Variants in PRKCZ observed in about 807,000 individuals in gnomAD.
PRKCZ encodes the protein protein kinase C zeta, also known as protein kinase C zeta type.
Under a neutral mutation model 79.5 loss-of-function variants are expected in PRKCZ, and 33 were observed. The observed-to-expected ratio is 0.41, with a 90% confidence interval of 0.31 to 0.55. The LOEUF (loss-of-function observed/expected upper bound fraction) is 0.55, where lower values mean the gene tolerates loss of function less well. PRKCZ is among the 20% of genes least tolerant of loss of function. The probability of loss-of-function intolerance (pLI) is 0.19; values close to 1 mark genes in which losing one functional copy is unlikely to be tolerated. For missense variants in PRKCZ, 578 were observed against 813.5 expected (o/e 0.71, Z 3.52); for synonymous variants, 342 against 320.9 (o/e 1.07, Z -0.70).
intron 10 of PRKCZ, among the ~76,000 whole-genome samples, chr1:2,158,604 C>T (rs867905598): frequency 6.6e-6 from 1 of 152,244 alleles, no homozygotes; most frequent in Non-Finnish European, 1.5e-5. Context: ...CCCGGCCCCC[C>T]ACACTTCCTA....
rs908172987 is a variant in PRKCZ at position 2,173,752 on chromosome 1, G to A, written c.1286-145G>A. ...TGGAGGTGCTGGTTCTGTTTGGGAA[G>A]TGGAAGTCACAGAGGCCTGTGTGCC... On this transcript the variant is annotated intron_variant, in intron 13 of 17. Transcript: ENST00000378567. This position sits in a 1 kb window ranked among gnomAD's most constrained non-coding sequence, Gnocchi z 5.7. The A allele has an allele frequency of 4.1e-6, 5 of 1,210,486 alleles. No homozygotes were observed. The South Asian group carries it at 4.8e-5, about 12-fold the overall frequency. 75.0% of individuals were successfully genotyped at this position (1,210,486 alleles called of 1,614,324 possible).
intron 4 of PRKCZ, among the ~76,000 whole-genome samples, chr1:2,086,619 C>T (rs968982535): frequency 2.0e-5 from 3 of 152,206 alleles, no homozygotes; most frequent in Non-Finnish European, 1.5e-5. Context: ...TGGCTTCCTT[C>T]GGAGGAGGGT....
intron 10 of PRKCZ, among the ~76,000 whole-genome samples, chr1:2,163,471 C>G (rs1682713711): frequency 6.6e-6 from 1 of 152,232 alleles, no homozygotes; most frequent in African/African-American, 2.4e-5. Context: ...CCCCCAGCCA[C>G]TGGGAGAAGG....
At chr1:2,058,300 G>A (rs1296628303) in intron 3 of PRKCZ, among the ~76,000 whole-genome samples, 1 of 149,452 alleles carries the variant, frequency 6.7e-6, no homozygotes, top group Non-Finnish European at 1.5e-5. Context: ...ACGGTGCCCG[G>A]CCCCAATTTT....
chr1:2,052,047 C>T lies in PRKCZ; in HGVS notation c.71+1346C>T, dbSNP rs376275962. Among the ~76,000 whole-genome samples, 5 of 152,288 alleles carry T rather than the reference C, an allele frequency of 3.3e-5. 1 individual carries two copies. The South Asian group carries it at 8.3e-4, about 25-fold the overall frequency. ...GCAGGTTAAAACTTGGTATGGTTGA[C>T]GTTCTGGCTATTGGACTTGTCCAGG... On this transcript the variant is annotated intron_variant, in intron 1 of 17. Coordinates refer to ENST00000378567, the MANE Select transcript of PRKCZ (RefSeq NM_002744.6).
Position 2,184,659 on chromosome 1 carries a change from A to G in PRKCZ, c.1652A>G (p.Gln551Arg). ...TACGGTCTGGACAACTTTGACACACAGTTCACCAGCGAGCCCGTGCAGCTG... is the reference window on the plus strand; with the variant it reads ...TACGGTCTGGACAACTTTGACACACGGTTCACCAGCGAGCCCGTGCAGCTG... The part of the protein sequence containing the change: ...DDYGLDNFDT[Q>R]FTSEPVQLTP... The change falls in exon 17 of 18, where the codon CAG becomes CGG. Residue 551 changes from glutamine to arginine, a missense_variant. Gln to Arg is a conservative substitution (Grantham distance 43). Coordinates refer to ENST00000378567, the MANE Select transcript of PRKCZ (RefSeq NM_002744.6). The G allele has an allele frequency of 6.2e-7, 1 of 1,613,982 alleles. No homozygotes were observed.
At chr1:2,147,711 A>C (rs368825679) in intron 7 of PRKCZ, among the ~76,000 whole-genome samples, 1 of 133,032 alleles carries the variant, frequency 7.5e-6, no homozygotes, top group Non-Finnish European at 1.6e-5. Flanking sequence ...CTGTCCACCC[A>C]TCTGTCTGTT....
At chr1:2,133,454 C>G (rs1420498699) in intron 4 of PRKCZ, among the ~76,000 whole-genome samples, 1 of 150,038 alleles carries the variant, frequency 6.7e-6, no homozygotes, top group Non-Finnish European at 1.5e-5. Context: ...GTCCTTCCCT[C>G]AGCTCTACCC....
chr1:2,095,889 TTTCCC>T (rs1266269569), intron 4 of PRKCZ, among the ~76,000 whole-genome samples: 1 of 61,780 alleles, frequency 1.6e-5, no homozygotes, highest in African/African-American at 7.0e-5. Context: ...CCTCCCCTCC[TTTCCC>T]CTCCCCTCCT....
chr1:2,172,635 G>T lies in PRKCZ; in HGVS notation c.1285+247G>T, dbSNP rs1365119306. ...GATTCCTCCTGCCAGGGAGCCCCGG[G>T]GCACAGGGAGGGGAAAGACACAGAA... is the stretch of plus-strand genomic sequence containing the variant. On this transcript the variant is annotated intron_variant, in intron 13 of 17. Transcript: ENST00000378567. The surrounding 1 kb of genome is among the most constrained non-coding windows in gnomAD (Gnocchi z 7.8). Among the ~76,000 whole-genome samples, 1 of 152,230 alleles carries T rather than the reference G, an allele frequency of 6.6e-6. No individual in the cohort carries two copies. The highest frequency in any genetic ancestry group is 1.5e-5 in the Non-Finnish European group (1 of 68,036).
intron 6 of PRKCZ, 29 bp from the exon 7 acceptor site, chr1:2,145,998 A>T: frequency 1.9e-6 from 3 of 1,574,586 alleles, no homozygotes; most frequent in South Asian, 1.1e-5. Context: ...GCACTTGGTC[A>T]TGCTGCCATC....
At position 2,178,345 on chromosome 1, in the gene PRKCZ, ACACAGTAGCACGTGG is replaced by A. The variant is rs562169448; in HGVS notation, c.1575+3036_1575+3050del. On this transcript the variant is annotated intron_variant, in intron 16 of 17. Coordinates refer to ENST00000378567, the MANE Select transcript of PRKCZ (RefSeq NM_002744.6). The surrounding 1 kb of genome is among the most constrained non-coding windows in gnomAD (Gnocchi z 4.3). ...AGCATTGTCTCCACAAGCTGCACCCACACAGTAGCACGTGGCACTGCCTCCTTCCTGCGCTGAACC... is the reference window on the plus strand; with the variant it reads ...AGCATTGTCTCCACAAGCTGCACCCACACTGCCTCCTTCCTGCGCTGAACC... Among the ~76,000 whole-genome samples, 2 of 152,068 alleles carry A rather than the reference ACACAGTAGCACGTGG, an allele frequency of 1.3e-5. No individual in the cohort carries two copies. Among genetic ancestry groups the A allele is most frequent in the Non-Finnish European group, 2.9e-5 (2 of 67,994 alleles).
chr1:2,096,952 G>A (rs549154689), intron 4 of PRKCZ, among the ~76,000 whole-genome samples: 2 of 152,368 alleles, frequency 1.3e-5, no homozygotes, highest in South Asian at 2.1e-4. Flanking sequence ...GTCACTGAGC[G>A]TAGGCCTGGA....
Position 2,144,562 on chromosome 1 carries a change from T to C in PRKCZ, c.552+221T>C, listed in dbSNP as rs752336190. On this transcript the variant is annotated intron_variant, in intron 6 of 17. Coordinates refer to ENST00000378567, the MANE Select transcript of PRKCZ (RefSeq NM_002744.6). Reference sequence around the variant, plus strand: ...CCGGCACACTCTGCTCATTGGGGCATGAGGCTCAGGCAGCAGGCTCAGGTA... The same window carrying C: ...CCGGCACACTCTGCTCATTGGGGCACGAGGCTCAGGCAGCAGGCTCAGGTA... 8 of 1,394,312 alleles carry C rather than the reference T, an allele frequency of 5.7e-6. No homozygotes were observed. In the South Asian group the frequency reaches 1.1e-4, roughly 18 times the overall value. 86.4% of individuals were successfully genotyped at this position (1,394,312 alleles called of 1,614,324 possible). A position where few individuals can be genotyped will look rare whatever the true frequency, so the allele number is the denominator to read the frequency against.
chr1:2,146,093 G>A lies in PRKCZ; in HGVS notation c.619G>A (p.Glu207Lys), dbSNP rs745674432. 5.0e-6 allele frequency: 8 copies of A among 1,613,862 alleles called. No homozygotes were observed. The highest frequency in any genetic ancestry group is 2.2e-5 in the South Asian group (2 of 91,078). The stretch of plus-strand genomic sequence containing the variant: ...GAACGAGGACGCCGACCTTCCTTCC[G>A]AGGAGACAGATGGAAGTAGGCGCTG... ...DKNEDADLPS[E>K]ETDGIAYISS... The change falls in exon 7 of 18, where the codon GAG (glutamate) becomes AAG (lysine). Residue 207 changes from glutamate (E) to lysine (K), a missense_variant. Glu to Lys is a moderately conservative substitution (Grantham distance 56). Around this residue, in one of 4 missense-constraint regions of PRKCZ, gnomAD observed 91 missense variants for 97.5 expected, o/e 0.93. Coordinates refer to ENST00000378567, the MANE Select transcript of PRKCZ (RefSeq NM_002744.6).
intron 6 of PRKCZ, chr1:2,144,909 A>G (rs772351278): frequency 7.7e-5 from 12 of 155,214 alleles, no homozygotes; most frequent in Non-Finnish European, 1.6e-4. Context: ...CCACTGAACC[A>G]CGGGGGTGAG....
At chr1:2,072,464 AG>A (rs1199988178) in intron 4 of PRKCZ, among the ~76,000 whole-genome samples, 44 of 152,044 alleles carry the variant, frequency 2.9e-4, no homozygotes, top group African/African-American at 1.0e-3. Flanking sequence ...GGTTGGAGGC[AG>A]GGGGATGTGT....
intron 5 of PRKCZ, among the ~76,000 whole-genome samples, chr1:2,136,914 T>C (rs983458283): frequency 6.6e-6 from 1 of 152,170 alleles, no homozygotes. Context: ...GTCAGGGTTC[T>C]CCAGAGGGAT....
chr1:2,170,156 G>T (rs1684137736), intron 11 of PRKCZ, among the ~76,000 whole-genome samples: 1 of 152,144 alleles, frequency 6.6e-6, no homozygotes, highest in Non-Finnish European at 1.5e-5. Context: ...GTTAGGAGCA[G>T]AACGAGAGTG....
Sources: allele counts gnomAD v4.1 joint callset (sites outside exome capture counted in the v4.1 genomes callset), GRCh38; gene constraint gnomAD v4.1.1; regional missense constraint gnomAD v4.1.1; non-coding constraint Gnocchi (gnomAD v3.1); transcripts MANE v1.5; gene names NCBI Gene and HGNC (gene_info 2026-07-23, HGNC 2026-07-21).